KCNH1: variants seen among roughly 807,000 people sequenced by gnomAD.
KCNH1 encodes voltage-gated delayed rectifier potassium channel KCNH1.
KCNH1 carries 27 observed loss-of-function variants against 69.2 expected under a neutral mutation model. That is an observed-to-expected ratio of 0.39 (90% CI 0.29 to 0.54). The LOEUF is 0.54. KCNH1 is among the 20% of genes least tolerant of loss of function. KCNH1 has a pLI of 0.68. For missense variants in KCNH1, 798 were observed against 1,261.6 expected (o/e 0.63, Z 5.57); for synonymous variants, 456 against 487.7 (o/e 0.93, Z 0.86).
chr1:211,087,361 A>G (rs147955961), intron 4 of KCNH1, among the ~76,000 whole-genome samples: 66 of 152,174 alleles, frequency 4.3e-4, no homozygotes, highest in Non-Finnish European at 7.8e-4. Context: ...AAGAGGATTG[A>G]CTCATCCTTT....
chr1:210,768,950 T>C (rs1311779072), intron 10 of KCNH1, among the ~76,000 whole-genome samples: 2 of 152,306 alleles, frequency 1.3e-5, no homozygotes, highest in South Asian at 2.1e-4. Context: ...TTTTGATTTA[T>C]AGTTTGTTGT....
At chr1:210,997,585 T>A (rs532066398) in intron 6 of KCNH1, among the ~76,000 whole-genome samples, 16 of 152,252 alleles carry the variant, frequency 1.1e-4, no homozygotes, top group African/African-American at 3.4e-4. Context: ...TGGAAAACAC[T>A]CTGCAGGATA....
chr1:211,050,392 G>A (rs1039022590), intron 5 of KCNH1, among the ~76,000 whole-genome samples: 9 of 149,926 alleles, frequency 6.0e-5, no homozygotes, highest in South Asian at 2.1e-4. Context: ...CTTAATTCCC[G>A]TCATAAACAC....
intron 7 of KCNH1, among the ~76,000 whole-genome samples, chr1:210,907,979 T>C (rs1017027579): frequency 6.6e-6 from 1 of 152,232 alleles, no homozygotes; most frequent in Admixed American, 6.5e-5. Flanking sequence ...TGTTTCCACA[T>C]TGGTGTAGCA....
intron 1 of KCNH1, among the ~76,000 whole-genome samples, chr1:211,108,252 T>A (rs1691394070): frequency 6.6e-6 from 1 of 152,146 alleles, no homozygotes; most frequent in South Asian, 2.1e-4. Flanking sequence ...GCAAATAACA[T>A]CCAGAACTTA....
chr1:210,993,373 T>C (rs571364865), intron 6 of KCNH1, among the ~76,000 whole-genome samples: 1 of 152,168 alleles, frequency 6.6e-6, no homozygotes, highest in Non-Finnish European at 1.5e-5. Flanking sequence ...TGTAGTCAAT[T>C]ACTAAGCACT....
chr1:210,824,135 A>T (rs1684989265), intron 7 of KCNH1, among the ~76,000 whole-genome samples: 1 of 130,982 alleles, frequency 7.6e-6, no homozygotes, highest in African/African-American at 2.8e-5. Flanking sequence ...TGTTCCCAGG[A>T]TGTCCATTAT....
chr1:211,032,972 G>A (rs1265565012), intron 5 of KCNH1, among the ~76,000 whole-genome samples: 1 of 152,094 alleles, frequency 6.6e-6, no homozygotes, highest in Non-Finnish European at 1.5e-5. Context: ...GAGTGAACAG[G>A]CAACCTACAG....
chr1:211,079,467 C>T (rs902657366), intron 5 of KCNH1, among the ~76,000 whole-genome samples: 36 of 152,080 alleles, frequency 2.4e-4, no homozygotes, highest in Admixed American at 2.0e-4. Context: ...ACTCATTTTA[C>T]GAGGCCAGCA....
intron 7 of KCNH1, among the ~76,000 whole-genome samples, chr1:210,853,519 C>T (rs992228922): frequency 4.6e-5 from 7 of 152,148 alleles, no homozygotes; most frequent in African/African-American, 1.7e-4. Context: ...AGAACTCTGT[C>T]CTACAGGAGG....
intron 6 of KCNH1, among the ~76,000 whole-genome samples, chr1:210,957,575 T>A (rs1253995686): frequency 6.6e-6 from 1 of 152,178 alleles, no homozygotes. Context: ...CTCTAAGGAC[T>A]TCCTTTATGA....
chr1:211,075,689 A>T (rs1690719538), intron 5 of KCNH1, among the ~76,000 whole-genome samples: 1 of 152,232 alleles, frequency 6.6e-6, no homozygotes, highest in Non-Finnish European at 1.5e-5. Flanking sequence ...TGATTTCTGC[A>T]TTTCCAACTC....
At chr1:210,828,150 TCTTATA>T (rs1464173729) in intron 7 of KCNH1, among the ~76,000 whole-genome samples, 1 of 152,122 alleles carries the variant, frequency 6.6e-6, no homozygotes, top group African/African-American at 2.4e-5. Flanking sequence ...GCCTCAGTTT[TCTTATA>T]TATAAAATGG....
intron 7 of KCNH1, among the ~76,000 whole-genome samples, chr1:210,827,921 A>T (rs974379709): frequency 6.6e-6 from 1 of 152,078 alleles, no homozygotes; most frequent in African/African-American, 2.4e-5. Flanking sequence ...GCCGATGGCA[A>T]CCTTCACCTC....
intron 9 of KCNH1, among the ~76,000 whole-genome samples, chr1:210,785,287 A>G (rs546442889): frequency 4.1e-4 from 63 of 152,338 alleles, no homozygotes; most frequent in African/African-American, 1.4e-3. Flanking sequence ...AAAGCAGGAA[A>G]AAAAGTTGGA....
rs1401624909 is a variant in KCNH1 at position 210,919,968 on chromosome 1, C to G, written c.1134G>C (p.Val378=). The change falls in exon 7 of 11, where the codon GTG becomes GTC. Residue 378 remains valine (V), a synonymous_variant. Transcript: ENST00000271751. The surrounding 1 kb of genome is among the most constrained non-coding windows in gnomAD (Gnocchi z 4.2). Reference sequence around the variant, plus strand: ...CAAACACACACACCAGCAGGACCAGCACAGCAGCTCCATATTCAATGTAGT... The same window carrying G: ...CAAACACACACACCAGCAGGACCAGGACAGCAGCTCCATATTCAATGTAGT... ...LDHYIEYGAA[V]LVLLVCVFGL... is the part of the protein sequence containing the mutation. The G allele has an allele frequency of 5.6e-6, 9 of 1,614,188 alleles. No homozygotes were observed. The highest frequency in any genetic ancestry group is 7.6e-6 in the Non-Finnish European group (9 of 1,180,014).
chr1:211,067,436 T>C (rs1690552307), intron 5 of KCNH1, among the ~76,000 whole-genome samples: 1 of 152,198 alleles, frequency 6.6e-6, no homozygotes, highest in African/African-American at 2.4e-5. Flanking sequence ...ATGGGACTTA[T>C]CTAGCTGGCA....
intron 7 of KCNH1, chr1:210,860,426 GA>G: frequency 1.0e-6 from 1 of 981,338 alleles, no homozygotes; most frequent in Non-Finnish European, 1.7e-6. Flanking sequence ...ACTACACTAA[GA>G]AGTGTGTCAA....
intron 1 of KCNH1, among the ~76,000 whole-genome samples, chr1:211,125,366 G>T (rs1691759618): frequency 6.6e-6 from 1 of 152,194 alleles, no homozygotes; most frequent in Non-Finnish European, 1.5e-5. Context: ...GAGGCTTAAA[G>T]CACAGCCTTA....
Sources: allele counts gnomAD v4.1 joint callset (sites outside exome capture counted in the v4.1 genomes callset), GRCh38; gene constraint gnomAD v4.1.1; non-coding constraint Gnocchi (gnomAD v3.1); transcripts MANE v1.5; gene names NCBI Gene and HGNC (gene_info 2026-07-23, HGNC 2026-07-21).